Variants in DNAJC17 observed in about 807,000 individuals in gnomAD.
The protein encoded by DNAJC17 is dnaJ homolog subfamily C member 17.
Under a neutral mutation model 48.1 loss-of-function variants are expected in DNAJC17, and 35 were observed. That is an observed-to-expected ratio of 0.73 (90% CI 0.56 to 0.96). The LOEUF (loss-of-function observed/expected upper bound fraction) is 0.96. Among genes scored for constraint, DNAJC17 ranks in the 50% least tolerant of loss-of-function variants. The pLI is 0.00. For missense variants in DNAJC17, 355 were observed against 377.1 expected (o/e 0.94, Z 0.48); for synonymous variants, 117 against 142.7 (o/e 0.82, Z 1.28).
chr15:40,803,487 A>G (rs936983456), intron 1 of DNAJC17, among the ~76,000 whole-genome samples: 16 of 152,244 alleles, frequency 1.1e-4, no homozygotes, highest in Non-Finnish European at 2.1e-4. Context: ...ATGAAAAGAA[A>G]AATAGGTAAG....
At chr15:40,791,530 A>C (rs1403504792) in intron 1 of DNAJC17, among the ~76,000 whole-genome samples, 1 of 151,390 alleles carries the variant, frequency 6.6e-6, no homozygotes, top group Non-Finnish European at 1.5e-5. Context: ...CATCTCAAAA[A>C]ACTAAAATAA....
chr15:40,786,190 G>T (rs1889636857), intron 1 of DNAJC17, among the ~76,000 whole-genome samples: 1 of 152,200 alleles, frequency 6.6e-6, no homozygotes, highest in Non-Finnish European at 1.5e-5. Context: ...AGCTCAAAAG[G>T]CTAGATTCAG....
At chr15:40,799,922 G>A (rs1018952788) in intron 1 of DNAJC17, among the ~76,000 whole-genome samples, 6 of 150,786 alleles carry the variant, frequency 4.0e-5, no homozygotes, top group African/African-American at 2.4e-5. Flanking sequence ...CAATCATAGC[G>A]CACTGTAGCC....
chr15:40,767,585 C>T lies in DNAJC17; in HGVS notation c.*355G>A. The T allele has an allele frequency of 1.7e-6, 1 of 598,668 alleles. No individual in the cohort carries two copies. Among genetic ancestry groups the T allele is most frequent in the Non-Finnish European group, 2.8e-6 (1 of 358,124 alleles). The allele number at this position is 598,668 out of a possible 1,614,324, so 37.1% of individuals were successfully genotyped here. A position where few individuals can be genotyped will look rare whatever the true frequency, so the allele number is the denominator to read the frequency against. On this transcript the variant is annotated 3_prime_UTR_variant, in exon 11 of 11. Transcript: ENST00000220496. ...GCTGCCCTCCTGCTTCGGGCCTGGG[C>T]CGAGGGCCTTGTGTAGGCCATGTTC...
At chr15:40,790,525 G>A (rs1889772086) in intron 1 of DNAJC17, among the ~76,000 whole-genome samples, 5 of 152,124 alleles carry the variant, frequency 3.3e-5, no homozygotes. Flanking sequence ...GTTGCAGTGA[G>A]CCAAGATCGT....
rs1888934815 is a variant in DNAJC17 at position 40,765,847 on chromosome 15, G to A, written c.*2093C>T. On this transcript the variant is annotated 3_prime_UTR_variant, in exon 11 of 11. Transcript: ENST00000220496. The stretch of plus-strand genomic sequence containing the variant: ...TGCAGGAGGTGGGCCCCACTATGGT[G>A]GGCGATGAACAGTCGGATCCAGAGC... 1 of 1,578,596 alleles carries A rather than the reference G, an allele frequency of 6.3e-7. No individual in the cohort carries two copies. The highest frequency in any genetic ancestry group is 8.6e-7 in the Non-Finnish European group (1 of 1,156,516).
At chr15:40,782,896 C>T (rs1889542041) in intron 1 of DNAJC17, among the ~76,000 whole-genome samples, 1 of 152,160 alleles carries the variant, frequency 6.6e-6, no homozygotes, top group African/African-American at 2.4e-5. Flanking sequence ...AGGAACCACC[C>T]AGGACAGGCG....
At chr15:40,805,382 A>AAG (rs1312782874) in intron 1 of DNAJC17, among the ~76,000 whole-genome samples, 5 of 75,230 alleles carry the variant, frequency 6.6e-5, no homozygotes, top group African/African-American at 1.8e-4. Flanking sequence ...TCTCAAAAAA[A>AAG]AAAAAAAAAA....
At chr15:40,795,260 A>AGGAAGGGAGGAAGGGGAGGAAGGGAT in intron 1 of DNAJC17, among the ~76,000 whole-genome samples, 1 of 130,140 alleles carries the variant, frequency 7.7e-6, no homozygotes, top group South Asian at 3.0e-4. Flanking sequence ...AAAAAAAGGA[A>AGGAAGGGAGGAAGGGGAGGAAGGGAT]GGAAGGGAGG....
chr15:40,780,973 C>T (rs1889470810), intron 1 of DNAJC17, among the ~76,000 whole-genome samples: 1 of 149,666 alleles, frequency 6.7e-6, no homozygotes, highest in Non-Finnish European at 1.5e-5. Context: ...ATGGCGAAAC[C>T]CCATCTCTAC....
At chr15:40,780,038 C>A in intron 1 of DNAJC17, 41 bp from the exon 2 acceptor site, 1 of 1,595,944 alleles carries the variant, frequency 6.3e-7, no homozygotes, top group Non-Finnish European at 8.6e-7. Context: ...TCACTCTCAT[C>A]CCAGGGACAA....
chr15:40,768,530 G>A (rs1175913841), intron 10 of DNAJC17, among the ~76,000 whole-genome samples: 2 of 152,210 alleles, frequency 1.3e-5, no homozygotes, highest in Non-Finnish European at 2.9e-5. Flanking sequence ...GTGCCCTGTG[G>A]TCTGGCTCTT....
chr15:40,796,843 C>T (rs1889949045), intron 1 of DNAJC17, among the ~76,000 whole-genome samples: 1 of 152,176 alleles, frequency 6.6e-6, no homozygotes, highest in Non-Finnish European at 1.5e-5. Flanking sequence ...TAGCTTTGAC[C>T]CCCTGGGCTA....
intron 10 of DNAJC17, among the ~76,000 whole-genome samples, chr15:40,773,290 C>T (rs539688467): frequency 3.3e-5 from 5 of 152,124 alleles, no homozygotes; most frequent in Non-Finnish European, 7.4e-5. Flanking sequence ...GAGATATTGC[C>T]TCTTGACAGT....
chr15:40,792,445 G>A, intron 1 of DNAJC17: 1 of 984,602 alleles, frequency 1.0e-6, no homozygotes, highest in Non-Finnish European at 1.2e-6. Context: ...GCTTCCCCAG[G>A]TAATTACCTG....
At position 40,765,586 on chromosome 15, in the gene DNAJC17, A is replaced by C. The variant is rs1211577508; in HGVS notation, c.*2354T>G. 3.0e-6 allele frequency: 1 copy of C among 332,196 alleles called. No individual in the cohort carries two copies. The highest frequency in any genetic ancestry group is 5.4e-6 in the Non-Finnish European group (1 of 183,898). The allele number at this position is 332,196 out of a possible 1,614,324, so 20.6% of individuals were successfully genotyped here. A position where few individuals can be genotyped will look rare whatever the true frequency, so the allele number is the denominator to read the frequency against. On this transcript the variant is annotated 3_prime_UTR_variant, in exon 11 of 11. Coordinates refer to ENST00000220496, the MANE Select transcript of DNAJC17 (RefSeq NM_018163.3). The stretch of plus-strand genomic sequence containing the variant: ...CAGTAGCTGGAACTATAGGCTCGTG[A>C]TACTTTGCCTGGCTAAAGCTGAGCT...
chr15:40,795,283 G>A (rs1215091704), intron 1 of DNAJC17, among the ~76,000 whole-genome samples: 6 of 130,590 alleles, frequency 4.6e-5, no homozygotes, highest in Admixed American at 4.1e-4. Context: ...GGGGAGGAAG[G>A]GATGGAAGGG....
At chr15:40,792,895 CT>C (rs563611021) in intron 1 of DNAJC17, among the ~76,000 whole-genome samples, 5,449 of 126,216 alleles carry the variant, frequency 0.043, 188 homozygotes, top group African/African-American at 0.16. Context: ...AAGATCCCTT[CT>C]TTTTTTTTTT....
At chr15:40,780,728 C>T (rs982378104) in intron 1 of DNAJC17, among the ~76,000 whole-genome samples, 1 of 151,964 alleles carries the variant, frequency 6.6e-6, no homozygotes, top group African/African-American at 2.4e-5. Context: ...GCAGGAGAAT[C>T]GCTTGAACCG....
Sources: gnomAD v4.1 joint callset for allele counts (sites outside exome capture counted in the v4.1 genomes callset) on GRCh38, gnomAD v4.1.1 for gene constraint, MANE v1.5 for transcripts, NCBI Gene and HGNC (gene_info 2026-07-23, HGNC 2026-07-21) for gene names.